The following WDR70 variants were observed in gnomAD, a reference collection of about 807,000 sequenced individuals.
WDR70 encodes the protein WD repeat domain 70.
A neutral mutation model predicts 88.6 loss-of-function variants in WDR70; 53 were observed. That is an observed-to-expected ratio of 0.60 (90% CI 0.48 to 0.75). The LOEUF is 0.75. WDR70 is among the 30% of genes least tolerant of loss of function. The pLI, the probability that WDR70 is intolerant of heterozygous loss-of-function variation, is 0.00. For synonymous variants in WDR70, 280 were observed against 270.0 expected, an observed-to-expected ratio of 1.04 and a Z score of -0.36; for missense variants, 610 against 823.2, an observed-to-expected ratio of 0.74 and a Z score of 3.17.
At chr5:37,729,280 G>GTGC (rs1355655582) in intron 17 of WDR70, among the ~76,000 whole-genome samples, 3 of 152,132 alleles carry the variant, frequency 2.0e-5, no homozygotes, top group African/African-American at 7.2e-5. Context: ...TGTGCTGGAT[G>GTGC]TGCTCCTTGC....
chr5:37,476,740 C>A (rs374250373), intron 7 of WDR70, among the ~76,000 whole-genome samples: 1 of 152,062 alleles, frequency 6.6e-6, no homozygotes, highest in Non-Finnish European at 1.5e-5. Flanking sequence ...TTAGTAGAGA[C>A]GGGGTTTCAC....
intron 10 of WDR70, among the ~76,000 whole-genome samples, chr5:37,691,051 CAA>C (rs536335257): frequency 2.0e-5 from 3 of 151,284 alleles, no homozygotes; most frequent in African/African-American, 7.3e-5. Flanking sequence ...AAATGGAAAA[CAA>C]AAAAAAGCGG....
In WDR70 at chr5:37,722,835, T is replaced by C; in HGVS notation, c.1518-20T>C. ...TTCTAAGACCAAGTAAAGAAAATAA[T>C]TTGCTTTTACACCCGTTAGGGGAGC... On this transcript the variant is annotated intron_variant, in intron 14 of 17. Coordinates refer to ENST00000265107, the MANE Select transcript of WDR70 (RefSeq NM_018034.4). The C allele has an allele frequency of 4.3e-6, 7 of 1,612,248 alleles. No individual in the cohort carries two copies. The highest frequency in any genetic ancestry group is 5.9e-6 in the Non-Finnish European group (7 of 1,178,864).
chr5:37,751,782 T>A (rs1295723989), intron 17 of WDR70, among the ~76,000 whole-genome samples: 1 of 152,194 alleles, frequency 6.6e-6, no homozygotes, highest in Non-Finnish European at 1.5e-5. Context: ...GAGATATTTC[T>A]TATGTGAGTA....
At chr5:37,394,346 C>T (rs1196137472) in intron 4 of WDR70, among the ~76,000 whole-genome samples, 1 of 150,368 alleles carries the variant, frequency 6.7e-6, no homozygotes, top group Admixed American at 6.6e-5. Flanking sequence ...GTGCGTTAAT[C>T]ATAAGGGGGA....
At chr5:37,537,857 C>G (rs575223575) in intron 9 of WDR70, among the ~76,000 whole-genome samples, 1 of 152,208 alleles carries the variant, frequency 6.6e-6, no homozygotes, top group African/African-American at 2.4e-5. Context: ...CATGGATTGT[C>G]GAGAACAACT....
At chr5:37,506,927 C>T (rs1368894351) in intron 8 of WDR70, 2 of 820,454 alleles carry the variant, frequency 2.4e-6, no homozygotes, top group South Asian at 1.4e-5. Flanking sequence ...ACCTTTTTCT[C>T]TTCCCACCTT....
At chr5:37,411,153 G>A (rs1247133111) in intron 5 of WDR70, among the ~76,000 whole-genome samples, 1 of 146,720 alleles carries the variant, frequency 6.8e-6, no homozygotes, top group Admixed American at 7.4e-5. Context: ...TGGAAATAAG[G>A]TCTTGCTGTG....
intron 10 of WDR70, among the ~76,000 whole-genome samples, chr5:37,680,154 TGAG>T (rs1746382308): frequency 7.2e-6 from 1 of 137,948 alleles, no homozygotes. Context: ...TCAGTGATGT[TGAG>T]CTTTTTTTTT....
At chr5:37,421,593 T>C (rs1749948468) in intron 5 of WDR70, among the ~76,000 whole-genome samples, 1 of 152,214 alleles carries the variant, frequency 6.6e-6, no homozygotes, top group Non-Finnish European at 1.5e-5. Context: ...TGATTTGTTA[T>C]ATTCCTGTCT....
intron 9 of WDR70, among the ~76,000 whole-genome samples, chr5:37,597,278 C>T (rs1041962960): frequency 1.3e-5 from 2 of 152,034 alleles, no homozygotes; most frequent in African/African-American, 2.4e-5. Flanking sequence ...AACTGTTTTC[C>T]ACAGTTGCAG....
chr5:37,566,622 T>C (rs1044498562), intron 9 of WDR70, among the ~76,000 whole-genome samples: 1 of 152,210 alleles, frequency 6.6e-6, no homozygotes, highest in Non-Finnish European at 1.5e-5. Flanking sequence ...ACACAAGTAA[T>C]TGGCATTTTA....
intron 8 of WDR70, among the ~76,000 whole-genome samples, chr5:37,490,664 C>T (rs760814221): frequency 5.9e-5 from 9 of 151,316 alleles, no homozygotes; most frequent in East Asian, 5.9e-4. Context: ...AGAGCATGTG[C>T]GGGTGTGCTG....
chr5:37,446,681 A>C lies in WDR70; in HGVS notation c.686+3309A>C, dbSNP rs1360332719. ...CTTTGACAAATCTGACAAAAACAAG[A>C]AATGGGGAAAGGATTCCCTATTTAA... is the stretch of plus-strand genomic sequence containing the variant. On this transcript the variant is annotated intron_variant, in intron 7 of 17. Coordinates refer to ENST00000265107, the MANE Select transcript of WDR70 (RefSeq NM_018034.4). 3.3e-5 allele frequency among the ~76,000 whole-genome samples: 5 copies of C among 152,168 alleles called. No homozygotes were observed. In the East Asian group the frequency reaches 5.8e-4, roughly 18 times the overall value.
chr5:37,537,007 A>G (rs1741687413), intron 9 of WDR70, among the ~76,000 whole-genome samples: 1 of 152,184 alleles, frequency 6.6e-6, no homozygotes, highest in African/African-American at 2.4e-5. Context: ...TTTTATAACC[A>G]TAGCCATAAA....
chr5:37,490,895 G>A (rs1000887030), intron 8 of WDR70, among the ~76,000 whole-genome samples: 1 of 152,128 alleles, frequency 6.6e-6, no homozygotes, highest in Non-Finnish European at 1.5e-5. Context: ...CTCTCAGTGG[G>A]TATGAGGGGA....
At chr5:37,384,091 A>G (rs984508377) in intron 3 of WDR70, among the ~76,000 whole-genome samples, 1 of 152,088 alleles carries the variant, frequency 6.6e-6, no homozygotes, top group African/African-American at 2.4e-5. Flanking sequence ...GTTTTAAAAA[A>G]AGCTTAACCA....
At chr5:37,706,462 G>A (rs1472258697) in intron 13 of WDR70, among the ~76,000 whole-genome samples, 1 of 152,072 alleles carries the variant, frequency 6.6e-6, no homozygotes, top group East Asian at 1.9e-4. Context: ...GAATCATGGG[G>A]GCGGGTCTTT....
chr5:37,417,536 C>T (rs1285663305), intron 5 of WDR70, among the ~76,000 whole-genome samples: 19 of 75,924 alleles, frequency 2.5e-4, no homozygotes, highest in Non-Finnish European at 4.4e-4. Context: ...CCACCCCCAC[C>T]GACGTTTTTT....
Sources: allele counts gnomAD v4.1 joint callset (sites outside exome capture counted in the v4.1 genomes callset), GRCh38; gene constraint gnomAD v4.1.1; transcripts MANE v1.5; gene names NCBI Gene and HGNC (gene_info 2026-07-23, HGNC 2026-07-21).